The following ATF1 variants were observed in gnomAD, a reference collection of about 807,000 sequenced individuals.
ATF1 encodes activating transcription factor 1.
A neutral mutation model predicts 34.7 loss-of-function variants in ATF1; 16 were observed. The observed-to-expected ratio is 0.46, with a 90% CI of 0.31 to 0.70. The LOEUF (loss-of-function observed/expected upper bound fraction) is 0.70. Ranked by LOEUF, ATF1 falls within the 30% of genes least tolerant of loss-of-function variation. The probability of loss-of-function intolerance (pLI) is 0.05; values close to 1 mark genes in which losing one functional copy is unlikely to be tolerated. For missense variants in ATF1, 255 were observed against 321.6 expected, an observed-to-expected ratio of 0.79 and a Z score of 1.58; for synonymous variants, 105 against 113.1, an observed-to-expected ratio of 0.93 and a Z score of 0.46.
At chr12:50,772,851 A>G (rs1432720673) in intron 1 of ATF1, among the ~76,000 whole-genome samples, 1 of 152,096 alleles carries the variant, frequency 6.6e-6, no homozygotes, top group African/African-American at 2.4e-5. Context: ...GCTGCACAGA[A>G]CAACCCATCA....
intron 3 of ATF1, chr12:50,806,481 C>T (rs1356647309): frequency 3.6e-6 from 1 of 280,734 alleles, no homozygotes; most frequent in African/African-American, 2.1e-5. Context: ...CCAGCAGATC[C>T]ATGGGGCTCA....
chr12:50,819,645 C>A lies in ATF1; in HGVS notation c.682C>A (p.Arg228=). The A allele has an allele frequency of 6.2e-7, 1 of 1,611,404 alleles. No homozygotes were observed. The highest frequency in any genetic ancestry group is 8.5e-7 in the Non-Finnish European group (1 of 1,179,228). ...IRLMKNREAA[R]ECRRKKKEYV... The stretch of plus-strand genomic sequence containing the variant: ...AATGCTCATATTTAGAGAAGCTGCT[C>A]GAGAATGTCGCAGAAAGAAGAAAGA... Residue 228 remains arginine, a synonymous_variant, in exon 7 of 7, where the codon CGA becomes AGA. Transcript: ENST00000262053.
chr12:50,805,561 CAAAAA>C (rs370613978), intron 3 of ATF1, among the ~76,000 whole-genome samples: 4 of 53,842 alleles, frequency 7.4e-5, no homozygotes, highest in African/African-American at 2.4e-4. Flanking sequence ...CTGTCTGTCT[CAAAAA>C]AAAAAAAAAA....
At chr12:50,799,510 C>T (rs776125039) in intron 3 of ATF1, among the ~76,000 whole-genome samples, 6 of 152,114 alleles carry the variant, frequency 3.9e-5, no homozygotes, top group Non-Finnish European at 2.9e-5. Context: ...AAAATCTCAA[C>T]TTGCACGGGA....
intron 6 of ATF1, 85 bp from the exon 7 acceptor site, chr12:50,819,550 G>T: frequency 1.4e-6 from 2 of 1,461,012 alleles, no homozygotes; most frequent in South Asian, 2.5e-5. Context: ...AAAAAAAGGT[G>T]ACCACGGAAA....
At chr12:50,808,637 T>C (rs1941667118) in intron 3 of ATF1, among the ~76,000 whole-genome samples, 1 of 152,034 alleles carries the variant, frequency 6.6e-6, no homozygotes, top group Admixed American at 6.6e-5. Flanking sequence ...CCCTCTTTAC[T>C]CTTTAAACTA....
At chr12:50,768,613 T>TGTGTAATATTTATATA (rs1284937086) in intron 1 of ATF1, among the ~76,000 whole-genome samples, 1 of 152,192 alleles carries the variant, frequency 6.6e-6, no homozygotes. Context: ...TCTGTGTAGC[T>TGTGTAATATTTATATA]ATATAGGTGT....
rs561595035 is a variant in ATF1 at position 50,796,300 on chromosome 12, G to A, written c.194+291G>A. Among the ~76,000 whole-genome samples the A allele has an allele frequency of 2.4e-4, 37 of 152,278 alleles. No homozygotes were observed. The South Asian group carries it at 7.0e-3, about 29-fold the overall frequency. On this transcript the variant is annotated intron_variant, in intron 3 of 6. Coordinates refer to ENST00000262053, the MANE Select transcript of ATF1 (RefSeq NM_005171.5). ...GTCCCATCTACTTAGAGGCTAAGGC[G>A]GGAAGATGGCTTGAGCCCAGGAGTT...
chr12:50,768,573 A>G (rs184891934), intron 1 of ATF1, among the ~76,000 whole-genome samples: 94 of 152,316 alleles, frequency 6.2e-4, no homozygotes, highest in African/African-American at 2.2e-3. Context: ...GAAAAATCTT[A>G]CAACCACTGT....
chr12:50,788,203 CA>C (rs1941226124), intron 2 of ATF1: 4 of 443,172 alleles, frequency 9.0e-6, no homozygotes, highest in Non-Finnish European at 1.8e-5. Context: ...TTTTTTTTGA[CA>C]TAGGGTCTCA....
chr12:50,767,156 A>G (rs538560320), intron 1 of ATF1, among the ~76,000 whole-genome samples: 1 of 152,278 alleles, frequency 6.6e-6, no homozygotes, highest in Non-Finnish European at 1.5e-5. Flanking sequence ...GCAAAAGGGT[A>G]AGAATGTATT....
intron 1 of ATF1, among the ~76,000 whole-genome samples, chr12:50,778,678 C>T (rs1161126629): frequency 2.0e-5 from 3 of 152,078 alleles, no homozygotes; most frequent in South Asian, 2.1e-4. Context: ...ACCTCCACCT[C>T]CCGGGTTCAA....
At chr12:50,774,802 C>T (rs568648518) in intron 1 of ATF1, among the ~76,000 whole-genome samples, 35 of 150,828 alleles carry the variant, frequency 2.3e-4, no homozygotes, top group Admixed American at 1.8e-3. Context: ...GGCTGGAGTC[C>T]AGTGGCTTGA....
At chr12:50,789,026 G>A (rs1024377186) in intron 2 of ATF1, among the ~76,000 whole-genome samples, 2 of 152,100 alleles carry the variant, frequency 1.3e-5, no homozygotes, top group African/African-American at 4.8e-5. Context: ...GCGTTACAGT[G>A]CTAGCGACTG....
chr12:50,765,808 A>G (rs1415999590), intron 1 of ATF1, among the ~76,000 whole-genome samples: 6 of 152,166 alleles, frequency 3.9e-5, no homozygotes, highest in Non-Finnish European at 1.5e-5. Flanking sequence ...CCATTTACAA[A>G]TCCCATGGCA....
intron 1 of ATF1, among the ~76,000 whole-genome samples, chr12:50,772,546 G>A (rs771342318): frequency 6.6e-6 from 1 of 151,874 alleles, no homozygotes; most frequent in Admixed American, 6.6e-5. Context: ...GGTTGGTCTC[G>A]AACTCCTGAC....
At chr12:50,782,704 T>C (rs1471688461) in intron 2 of ATF1, among the ~76,000 whole-genome samples, 3 of 146,458 alleles carry the variant, frequency 2.0e-5, no homozygotes, top group Non-Finnish European at 3.0e-5. Flanking sequence ...TTTTTTTTTT[T>C]TTTGAGACGG....
At chr12:50,813,865 C>A in intron 4 of ATF1, 145 bp from the exon 5 acceptor site, 2 of 691,956 alleles carry the variant, frequency 2.9e-6, no homozygotes, top group Non-Finnish European at 2.3e-6. Flanking sequence ...ACATGTAGTT[C>A]ACCTAAAGTA....
chr12:50,768,088 G>A (rs1940683233), intron 1 of ATF1, among the ~76,000 whole-genome samples: 1 of 152,056 alleles, frequency 6.6e-6, no homozygotes, highest in African/African-American at 2.4e-5. Context: ...GGGCAGGCTG[G>A]TCTCGAACTC....
Sources: allele counts gnomAD v4.1 joint callset (sites outside exome capture counted in the v4.1 genomes callset), GRCh38; gene constraint gnomAD v4.1.1; transcripts MANE v1.5; gene names NCBI Gene and HGNC (gene_info 2026-07-23, HGNC 2026-07-21).